Variants in EGFLAM observed in about 807,000 individuals in gnomAD.
EGFLAM encodes EGF like, fibronectin type III and laminin G domains, also known as pikachurin.
In EGFLAM, 79 loss-of-function variants were observed where a neutral mutation model predicts 113.1. That is an observed-to-expected ratio of 0.70 (90% CI 0.58 to 0.84). EGFLAM has a LOEUF of 0.84. EGFLAM is among the 40% of genes least tolerant of loss of function. The pLI is 0.00. For missense variants in EGFLAM, 1,265 were observed against 1,291.6 expected, an observed-to-expected ratio of 0.98 and a Z score of 0.32; for synonymous variants, 504 against 487.6, an observed-to-expected ratio of 1.03 and a Z score of -0.44.
Position 38,377,589 on chromosome 5 carries a change from G to A in EGFLAM, c.712+7127G>A, listed in dbSNP as rs370936209. On this transcript the variant is annotated intron_variant, in intron 6 of 21. Coordinates refer to ENST00000322350, the MANE Select transcript of EGFLAM (RefSeq NM_152403.4). ...ATAACTCCCTACTGCTACTGTATGG[G>A]AACTTCAAAGACAAGATGAAAGGAA... Among the ~76,000 whole-genome samples the A allele has an allele frequency of 8.5e-5, 13 of 152,280 alleles. No individual in the cohort carries two copies. The East Asian group carries it at 1.9e-3, about 23-fold the overall frequency.
intron 1 of EGFLAM, chr5:38,305,710 G>A: frequency 5.8e-6 from 1 of 173,426 alleles, no homozygotes; most frequent in Non-Finnish European, 1.2e-5. Context: ...TTAAAAGACT[G>A]GCAAAAGTAC....
intron 5 of EGFLAM, among the ~76,000 whole-genome samples, chr5:38,362,277 T>C (rs1739943370): frequency 6.6e-6 from 1 of 152,214 alleles, no homozygotes; most frequent in African/African-American, 2.4e-5. Flanking sequence ...TGATTTTATT[T>C]CATGTGGAAT....
rs147251553 is a variant in EGFLAM at position 38,264,389 on chromosome 5, A to G, written c.97+5538A>G. ...ATTTCTCTAGTGGTATAATCAAACT[A>G]AAATAAAGATGTAAGGAAAGTCAGG... On this transcript the variant is annotated intron_variant, in intron 1 of 21. Transcript: ENST00000322350. 6.7e-3 allele frequency among the ~76,000 whole-genome samples: 1,017 copies of G among 152,302 alleles called. 23 individuals are homozygous for G. Among genetic ancestry groups the G allele is most frequent in the African/African-American group, 0.023 (955 of 41,570 alleles).
chr5:38,327,995 G>A (rs1002749746), intron 1 of EGFLAM, among the ~76,000 whole-genome samples: 11 of 152,152 alleles, frequency 7.2e-5, no homozygotes, highest in Non-Finnish European at 1.2e-4. Flanking sequence ...CGTATCACAC[G>A]TAGTACTGTG....
At chr5:38,261,944 A>G (rs1467964652) in intron 1 of EGFLAM, among the ~76,000 whole-genome samples, 1 of 152,120 alleles carries the variant, frequency 6.6e-6, no homozygotes, top group African/African-American at 2.4e-5. Context: ...GAAGAATGGG[A>G]GGGTTTAGGG....
chr5:38,270,133 C>T (rs1043154806), intron 1 of EGFLAM, among the ~76,000 whole-genome samples: 2 of 152,210 alleles, frequency 1.3e-5, no homozygotes, highest in African/African-American at 2.4e-5. Context: ...CAGTCATGCT[C>T]CTCACTGGTT....
intron 6 of EGFLAM, among the ~76,000 whole-genome samples, chr5:38,393,820 G>A (rs1740879772): frequency 6.6e-6 from 1 of 152,236 alleles, no homozygotes; most frequent in Admixed American, 6.5e-5. Flanking sequence ...ACAGCCAATA[G>A]CCAACCAGCT....
chr5:38,461,855 G>A (rs1743284740), intron 20 of EGFLAM, among the ~76,000 whole-genome samples: 2 of 152,130 alleles, frequency 1.3e-5, no homozygotes, highest in South Asian at 4.1e-4. Context: ...TTAGGGCTCT[G>A]TGGGTCCTTT....
At chr5:38,310,614 C>T (rs1738415329) in intron 1 of EGFLAM, among the ~76,000 whole-genome samples, 1 of 151,712 alleles carries the variant, frequency 6.6e-6, no homozygotes, top group Non-Finnish European at 1.5e-5. Context: ...TGATTTAACT[C>T]CCAAAAAGAA....
At chr5:38,434,314 C>A (rs1742278339) in intron 15 of EGFLAM, among the ~76,000 whole-genome samples, 1 of 152,206 alleles carries the variant, frequency 6.6e-6, no homozygotes, top group South Asian at 2.1e-4. Flanking sequence ...CCATAGCCAC[C>A]TGTACAGTTC....
intron 11 of EGFLAM, among the ~76,000 whole-genome samples, chr5:38,415,535 G>A (rs1423279001): frequency 6.6e-6 from 1 of 152,068 alleles, no homozygotes; most frequent in Non-Finnish European, 1.5e-5. Flanking sequence ...TTAGCCAGGT[G>A]TGGTGGCATA....
chr5:38,426,707 C>T (rs1313957328), intron 13 of EGFLAM, among the ~76,000 whole-genome samples: 1 of 152,182 alleles, frequency 6.6e-6, no homozygotes, highest in Admixed American at 6.5e-5. Context: ...AGTTTCCTTC[C>T]ATCTAATGGC....
At chr5:38,273,384 C>A (rs567993908) in intron 1 of EGFLAM, among the ~76,000 whole-genome samples, 12 of 152,344 alleles carry the variant, frequency 7.9e-5, no homozygotes, top group African/African-American at 2.4e-4. Context: ...TTCTGGCCTG[C>A]ATCACTGCTG....
rs1031024458 is a variant in EGFLAM at position 38,408,619 on chromosome 5, G to C, written c.1249-385G>C. 7.2e-5 allele frequency among the ~76,000 whole-genome samples: 11 copies of C among 152,120 alleles called. No individual in the cohort carries two copies. In the South Asian group the frequency reaches 1.9e-3, roughly 26 times the overall value. On this transcript the variant is annotated intron_variant, in intron 9 of 21. Coordinates refer to ENST00000322350, the MANE Select transcript of EGFLAM (RefSeq NM_152403.4). ...AGAAGCAAATGTGCATGCCTCCCCA[G>C]GGGGAGGGAAATAGAAAGAACAAAG...
intron 19 of EGFLAM, among the ~76,000 whole-genome samples, chr5:38,452,454 A>G (rs1742952571): frequency 6.6e-6 from 1 of 152,172 alleles, no homozygotes; most frequent in Admixed American, 6.5e-5. Context: ...TGTGAGGAAC[A>G]ATTCTGTGCC....
chr5:38,448,562 C>T, intron 18 of EGFLAM, 183 bp downstream of exon 18: 3 of 630,340 alleles, frequency 4.8e-6, no homozygotes, highest in African/African-American at 1.8e-5. Context: ...CAAAATAAAA[C>T]AAAAAACAAA....
chr5:38,272,419 C>T (rs1757785922), intron 1 of EGFLAM, among the ~76,000 whole-genome samples: 1 of 152,108 alleles, frequency 6.6e-6, no homozygotes. Flanking sequence ...GGAATGGCAT[C>T]GGAGGTATGA....
At chr5:38,452,581 A>G (rs1742956484) in intron 19 of EGFLAM, among the ~76,000 whole-genome samples, 1 of 152,162 alleles carries the variant, frequency 6.6e-6, no homozygotes, top group Admixed American at 6.5e-5. Flanking sequence ...ACTCAGCCTA[A>G]GACTCAGCAG....
intron 5 of EGFLAM, among the ~76,000 whole-genome samples, chr5:38,354,257 A>G (rs1301876922): frequency 6.6e-6 from 1 of 152,122 alleles, no homozygotes; most frequent in Non-Finnish European, 1.5e-5. Context: ...ATATCCCTAA[A>G]AAAAAAAGAT....
Sources: allele counts gnomAD v4.1 joint callset (sites outside exome capture counted in the v4.1 genomes callset), GRCh38; gene constraint gnomAD v4.1.1; transcripts MANE v1.5; gene names NCBI Gene and HGNC (gene_info 2026-07-23, HGNC 2026-07-21).